Variants in CNTN4 observed in about 807,000 individuals in gnomAD.
CNTN4 encodes the protein contactin-4.
Under a neutral mutation model 122.5 loss-of-function variants are expected in CNTN4, and 77 were observed. The ratio of observed to expected loss-of-function variants is 0.63; its 90% CI spans 0.52 to 0.76. The LOEUF (loss-of-function observed/expected upper bound fraction) is 0.76, where lower values mean the gene tolerates loss of function less well. CNTN4 is among the 30% of genes least tolerant of loss of function. The probability of loss-of-function intolerance (pLI) is 0.00; values close to 1 mark genes in which losing one functional copy is unlikely to be tolerated. For synonymous variants in CNTN4, 512 were observed against 447.0 expected, an observed-to-expected ratio of 1.15 and a Z score of -1.83; for missense variants, 1,256 against 1,259.1, an observed-to-expected ratio of 1.00 and a Z score of 0.04.
At chr3:2,113,991 A>G (rs951437338) in intron 2 of CNTN4, among the ~76,000 whole-genome samples, 1 of 152,212 alleles carries the variant, frequency 6.6e-6, no homozygotes, top group Non-Finnish European at 1.5e-5. Context: ...ATGAAAAGGC[A>G]TGTTACTTGT....
chr3:2,397,203 A>G (rs2046672643), intron 3 of CNTN4, among the ~76,000 whole-genome samples: 1 of 152,212 alleles, frequency 6.6e-6, no homozygotes, highest in South Asian at 2.1e-4. Context: ...TGCTAAAGAT[A>G]CATTCAGTAT....
chr3:2,690,066 G>A (rs1444145794), intron 4 of CNTN4, among the ~76,000 whole-genome samples: 3 of 152,174 alleles, frequency 2.0e-5, no homozygotes, highest in Non-Finnish European at 4.4e-5. Context: ...ATGAGGTCCA[G>A]ATGAGCTAAT....
intron 9 of CNTN4, among the ~76,000 whole-genome samples, chr3:2,885,745 G>C (rs1370536361): frequency 6.6e-6 from 1 of 152,182 alleles, no homozygotes; most frequent in East Asian, 1.9e-4. Flanking sequence ...GGGCTTGGCT[G>C]GCTGATTCTT....
intron 1 of CNTN4, chr3:2,099,259 TCTTCTC>T (rs1346458745): frequency 2.6e-5 from 4 of 152,342 alleles, no homozygotes; most frequent in African/African-American, 9.6e-5. Flanking sequence ...CAGCGACCCT[TCTTCTC>T]CTTCTCAGCC....
chr3:2,149,615 T>TA (rs1408097376), intron 2 of CNTN4, among the ~76,000 whole-genome samples: 1 of 152,232 alleles, frequency 6.6e-6, no homozygotes, highest in East Asian at 1.9e-4. Context: ...GCTATGTAGA[T>TA]ACTACTCTAG....
At chr3:2,633,137 T>C (rs2082516053) in intron 4 of CNTN4, among the ~76,000 whole-genome samples, 2 of 152,036 alleles carry the variant, frequency 1.3e-5, no homozygotes, top group Admixed American at 1.3e-4. Flanking sequence ...TTATTTAAGG[T>C]AGTAAAATCA....
chr3:2,310,943 T>G (rs2042892917), intron 2 of CNTN4, among the ~76,000 whole-genome samples: 1 of 152,196 alleles, frequency 6.6e-6, no homozygotes, highest in African/African-American at 2.4e-5. Flanking sequence ...TTTTGAAAAT[T>G]TCACATTTGA....
At chr3:2,185,139 A>G (rs920168258) in intron 2 of CNTN4, among the ~76,000 whole-genome samples, 1 of 152,024 alleles carries the variant, frequency 6.6e-6, no homozygotes, top group Admixed American at 6.6e-5. Flanking sequence ...GCTGACATTG[A>G]TTTGGCATTC....
In CNTN4 at chr3:2,849,540, T is replaced by A. The variant is rs557755730; in HGVS notation, c.455-17212T>A. ...ATTTAAGCTTGCCTTAGTGAGTCAT[T>A]GGACCTCAACGGCTAGGCAGTCACT... On this transcript the variant is annotated intron_variant, in intron 7 of 24. Transcript: ENST00000418658. Among the ~76,000 whole-genome samples, 4 of 152,350 alleles carry A rather than the reference T, an allele frequency of 2.6e-5. No individual in the cohort carries two copies. In the South Asian group the frequency reaches 8.3e-4, roughly 32 times the overall value.
At chr3:2,848,213 T>G (rs1476945788) in intron 7 of CNTN4, among the ~76,000 whole-genome samples, 2 of 152,182 alleles carry the variant, frequency 1.3e-5, no homozygotes, top group Non-Finnish European at 2.9e-5. Flanking sequence ...CAGTCCAGCC[T>G]GGGCAACAGA....
At chr3:2,602,810 G>A (rs1220997693) in intron 4 of CNTN4, among the ~76,000 whole-genome samples, 1 of 152,140 alleles carries the variant, frequency 6.6e-6, no homozygotes, top group Non-Finnish European at 1.5e-5. Context: ...CTAAAGTACA[G>A]GTTGTCTTCC....
chr3:2,758,541 G>C (rs1176034189), intron 6 of CNTN4, among the ~76,000 whole-genome samples: 1 of 86,116 alleles, frequency 1.2e-5, no homozygotes. Context: ...TTTTTGAGAC[G>C]GAGTCTCCCT....
intron 3 of CNTN4, among the ~76,000 whole-genome samples, chr3:2,430,857 C>A (rs2048042647): frequency 6.6e-6 from 1 of 152,144 alleles, no homozygotes; most frequent in Non-Finnish European, 1.5e-5. Flanking sequence ...GACAGATGTG[C>A]TCAAATTATG....
At chr3:2,305,877 G>C (rs2042684220) in intron 2 of CNTN4, among the ~76,000 whole-genome samples, 1 of 152,126 alleles carries the variant, frequency 6.6e-6, no homozygotes, top group Non-Finnish European at 1.5e-5. Flanking sequence ...CACAAATAGA[G>C]TAACATTATA....
chr3:2,914,361 A>G (rs1435693590), intron 12 of CNTN4, among the ~76,000 whole-genome samples: 1 of 152,156 alleles, frequency 6.6e-6, no homozygotes, highest in Non-Finnish European at 1.5e-5. Flanking sequence ...ATCAGTGTAA[A>G]CAAGAGTTGA....
chr3:2,775,609 T>C (rs1458569977), intron 6 of CNTN4, among the ~76,000 whole-genome samples: 2 of 152,106 alleles, frequency 1.3e-5, no homozygotes, highest in African/African-American at 4.8e-5. Flanking sequence ...TTAATAGAGA[T>C]GGGATTTTAC....
intron 9 of CNTN4, among the ~76,000 whole-genome samples, chr3:2,884,268 G>A (rs773135610): frequency 4.6e-5 from 7 of 152,076 alleles, no homozygotes; most frequent in Admixed American, 1.3e-4. Flanking sequence ...TTATATCAGC[G>A]TGTAATCTCT....
At chr3:2,291,686 A>G (rs1398209439) in intron 2 of CNTN4, among the ~76,000 whole-genome samples, 2 of 151,864 alleles carry the variant, frequency 1.3e-5, no homozygotes, top group African/African-American at 4.8e-5. Context: ...TAAGTGGCTT[A>G]TTTGTGTTGA....
intron 3 of CNTN4, among the ~76,000 whole-genome samples, chr3:2,381,096 T>C (rs1424805885): frequency 3.3e-5 from 5 of 151,588 alleles, no homozygotes; most frequent in African/African-American, 9.7e-5. Flanking sequence ...ACCTCTGCCT[T>C]CTGGGTTCCC....
Sources: gnomAD v4.1 joint callset for allele counts (sites outside exome capture counted in the v4.1 genomes callset) on GRCh38, gnomAD v4.1.1 for gene constraint, MANE v1.5 for transcripts, NCBI Gene and HGNC (gene_info 2026-07-23, HGNC 2026-07-21) for gene names.